Variants in RPS6KA5 observed in about 807,000 individuals in gnomAD.
The protein encoded by RPS6KA5 is ribosomal protein S6 kinase alpha-5.
RPS6KA5 carries 27 observed loss-of-function variants against 85.5 expected under a neutral mutation model. The ratio of observed to expected loss-of-function variants is 0.32; its 90% CI spans 0.23 to 0.44. The LOEUF (loss-of-function observed/expected upper bound fraction) is 0.44. RPS6KA5 is among the 20% of genes least tolerant of loss of function. The pLI, the probability that RPS6KA5 is intolerant of heterozygous loss-of-function variation, is 1.00. For missense variants in RPS6KA5, 811 were observed against 980.9 expected, an observed-to-expected ratio of 0.83 and a Z score of 2.31; for synonymous variants, 334 against 348.2, an observed-to-expected ratio of 0.96 and a Z score of 0.46.
intron 14 of RPS6KA5, among the ~76,000 whole-genome samples, chr14:90,878,088 G>A (rs1314775512): frequency 6.6e-6 from 1 of 152,190 alleles, no homozygotes; most frequent in East Asian, 1.9e-4. Context: ...ACCTGTAGAT[G>A]CCCTATCACT....
rs201181137 is a variant in RPS6KA5 at position 90,962,277 on chromosome 14, GT to G, written c.395-14728del. ...CCTATTAAAGAATTTTTTCCTAAGG[GT>G]TTTTTTTTACAAAAAACTTATCTTG... On this transcript the variant is annotated intron_variant, in intron 3 of 16. Coordinates refer to ENST00000614987, the MANE Select transcript of RPS6KA5 (RefSeq NM_004755.4). Among the ~76,000 whole-genome samples, 524 of 146,016 alleles carry G rather than the reference GT, an allele frequency of 3.6e-3. 30 individuals carry two copies. In the East Asian group the frequency reaches 0.091, roughly 25 times the overall value.
At chr14:90,978,049 T>C (rs557232528) in intron 3 of RPS6KA5, among the ~76,000 whole-genome samples, 118 of 151,932 alleles carry the variant, frequency 7.8e-4, no homozygotes, top group African/African-American at 2.4e-3. Flanking sequence ...AGCCAGACTC[T>C]GCCTCAAAAA....
At chr14:90,977,501 G>A (rs1176893640) in intron 3 of RPS6KA5, among the ~76,000 whole-genome samples, 2 of 152,178 alleles carry the variant, frequency 1.3e-5, no homozygotes, top group Non-Finnish European at 2.9e-5. Context: ...GAGTGTAAAG[G>A]GCTGACTGAT....
chr14:91,038,571 G>A (rs1161396108), intron 1 of RPS6KA5, among the ~76,000 whole-genome samples: 1 of 152,196 alleles, frequency 6.6e-6, no homozygotes, highest in Non-Finnish European at 1.5e-5. Context: ...AGAATTGCCA[G>A]AAGCTGATGG....
chr14:90,881,127 C>T (rs1348329267), intron 14 of RPS6KA5, among the ~76,000 whole-genome samples: 2 of 151,904 alleles, frequency 1.3e-5, no homozygotes, highest in Non-Finnish European at 1.5e-5. Flanking sequence ...AGCCACCATG[C>T]CCAGCCTCTT....
chr14:91,060,220 C>G, intron 1 of RPS6KA5, 112 bp downstream of exon 1: 7 of 962,192 alleles, frequency 7.3e-6, no homozygotes, highest in Non-Finnish European at 8.6e-6. Flanking sequence ...CCCAGGCCCG[C>G]CCCTCCGCGC....
chr14:91,002,810 C>G (rs1375654471), intron 1 of RPS6KA5, among the ~76,000 whole-genome samples: 1 of 152,056 alleles, frequency 6.6e-6, no homozygotes, highest in Non-Finnish European at 1.5e-5. Context: ...GCCCTCTTCC[C>G]TCTTCTCTCA....
At chr14:91,000,709 G>A (rs2040751901) in intron 2 of RPS6KA5, among the ~76,000 whole-genome samples, 2 of 152,142 alleles carry the variant, frequency 1.3e-5, no homozygotes, top group South Asian at 2.1e-4. Context: ...GGCTGAGGCA[G>A]GAGAATCGCT....
In RPS6KA5 at chr14:90,861,616, CAT is replaced by C; in HGVS notation, c.*10456_*10457del. The C allele has an allele frequency of 6.6e-6, 1 of 150,696 alleles. No homozygotes were observed. Among genetic ancestry groups the C allele is most frequent in the East Asian group, 2.0e-4 (1 of 5,038 alleles). 9.3% of individuals were successfully genotyped at this position (150,696 alleles called of 1,614,324 possible). A position where few individuals can be genotyped will look rare whatever the true frequency, so the allele number is the denominator to read the frequency against. On this transcript the variant is annotated 3_prime_UTR_variant, in exon 17 of 17. Coordinates refer to ENST00000614987, the MANE Select transcript of RPS6KA5 (RefSeq NM_004755.4). ...GAAGTAAAATACATGACAACAATAA[CAT>C]AAAAGGAAGAAGGGGGAATACCTGT...
intron 7 of RPS6KA5, among the ~76,000 whole-genome samples, chr14:90,915,513 A>G (rs1001029733): frequency 2.6e-5 from 4 of 152,184 alleles, no homozygotes; most frequent in Non-Finnish European, 5.9e-5. Context: ...GAAAGGCAAT[A>G]AAAACTAATG....
chr14:90,991,559 G>A (rs4900066), intron 2 of RPS6KA5, among the ~76,000 whole-genome samples: 71,613 of 151,624 alleles, frequency 0.47, 17,473 homozygotes, highest in East Asian at 0.56. Context: ...AAAATTATCC[G>A]GGCATGGTGG....
intron 2 of RPS6KA5, among the ~76,000 whole-genome samples, chr14:90,992,665 T>A (rs570176980): frequency 6.6e-6 from 1 of 152,342 alleles, no homozygotes; most frequent in East Asian, 1.9e-4. Flanking sequence ...CTTTTCCTGT[T>A]TTCTGAAAGA....
Position 90,946,363 on chromosome 14 carries a change from C to T in RPS6KA5, c.510+1072G>A, listed in dbSNP as rs181598831. 3.3e-5 allele frequency among the ~76,000 whole-genome samples: 5 copies of T among 152,200 alleles called. No homozygotes were observed. The East Asian group carries it at 9.7e-4, about 30-fold the overall frequency. ...TTCTCACACGTTTTTCATTCAGTCT[C>T]CCTAAGATTCCTACCCTTGAACCAT... On this transcript the variant is annotated intron_variant, in intron 4 of 16. Transcript: ENST00000614987.
chr14:91,008,714 C>G (rs550731848), intron 1 of RPS6KA5, among the ~76,000 whole-genome samples: 58 of 152,264 alleles, frequency 3.8e-4, no homozygotes, highest in African/African-American at 1.4e-3. Flanking sequence ...AAAAACATAA[C>G]ATAAAATAGG....
intron 2 of RPS6KA5, among the ~76,000 whole-genome samples, chr14:90,997,669 G>C (rs927246686): frequency 1.1e-4 from 17 of 152,118 alleles, no homozygotes; most frequent in African/African-American, 2.4e-5. Flanking sequence ...GATGAACAGA[G>C]AAACAAAATG....
rs989273975 is a variant in RPS6KA5 at position 90,904,015 on chromosome 14, C to T, written c.958-1046G>A. Among the ~76,000 whole-genome samples, 20 of 150,870 alleles carry T rather than the reference C, an allele frequency of 1.3e-4. 1 individual carries two copies. Among genetic ancestry groups the T allele is most frequent in the South Asian group, 4.2e-4 (2 of 4,782 alleles). Reference sequence around the variant, plus strand: ...AGGCTGGAGGGCAGTGGCGCGATCTCGGCTCACTACTACAAGCTCCACCTC... The same window carrying T: ...AGGCTGGAGGGCAGTGGCGCGATCTTGGCTCACTACTACAAGCTCCACCTC... On this transcript the variant is annotated intron_variant, in intron 8 of 16. Transcript: ENST00000614987.
At position 90,893,925 on chromosome 14, in the gene RPS6KA5, C is replaced by T. The variant is rs1050484328; in HGVS notation, c.1644+488G>A. 7.9e-6 allele frequency: 6 copies of T among 758,206 alleles called. No individual in the cohort carries two copies. The African/African-American group carries it at 9.5e-5, about 12-fold the overall frequency. The allele number at this position is 758,206 out of a possible 1,614,324, so 47.0% of individuals were successfully genotyped here. ...ATATTATAGCACGATCATAGAAAAGCACATAGAAAGACGGCATAACTAATT... is the reference window on the plus strand; with the variant it reads ...ATATTATAGCACGATCATAGAAAAGTACATAGAAAGACGGCATAACTAATT... On this transcript the variant is annotated intron_variant, in intron 13 of 16. Transcript: ENST00000614987.
chr14:91,044,539 A>C (rs1407705845), intron 1 of RPS6KA5, among the ~76,000 whole-genome samples: 4 of 152,140 alleles, frequency 2.6e-5, no homozygotes, highest in East Asian at 1.9e-4. Flanking sequence ...TCAGAAAGTT[A>C]AAGTATGGAA....
chr14:90,995,314 T>C (rs1016898821), intron 2 of RPS6KA5, among the ~76,000 whole-genome samples: 3 of 152,168 alleles, frequency 2.0e-5, no homozygotes, highest in Admixed American at 1.3e-4. Flanking sequence ...ATCACATAAG[T>C]GGATAACAAA....
Sources: gnomAD v4.1 joint callset for allele counts (sites outside exome capture counted in the v4.1 genomes callset) on GRCh38, gnomAD v4.1.1 for gene constraint, MANE v1.5 for transcripts, NCBI Gene and HGNC (gene_info 2026-07-23, HGNC 2026-07-21) for gene names.